Variants in CDH18 observed in about 807,000 individuals in gnomAD.
The protein encoded by CDH18 is cadherin-18.
CDH18 carries 31 observed loss-of-function variants against 67.9 expected under a neutral mutation model. That is an observed-to-expected ratio of 0.46 (90% confidence interval 0.34 to 0.62). The LOEUF is 0.62. Among genes scored for constraint, CDH18 ranks in the 20% least tolerant of loss-of-function variants. The probability of loss-of-function intolerance (pLI) is 0.01; values close to 1 mark genes in which losing one functional copy is unlikely to be tolerated. For synonymous variants in CDH18, 362 were observed against 347.2 expected (o/e 1.04, Z -0.48); for missense variants, 890 against 975.5 (o/e 0.91, Z 1.17).
chr5:19,645,948 CTGT>C (rs1580678267), intron 5 of CDH18, among the ~76,000 whole-genome samples: 1 of 152,068 alleles, frequency 6.6e-6, no homozygotes, highest in African/African-American at 2.4e-5. Context: ...AAAGATCCTT[CTGT>C]TGTTGTTTTG....
chr5:20,422,385 A>T (rs1437417198), intron 1 of CDH18, among the ~76,000 whole-genome samples: 1 of 151,008 alleles, frequency 6.6e-6, no homozygotes, highest in Non-Finnish European at 1.5e-5. Context: ...ATGTTTTTAA[A>T]CATGATTTTA....
chr5:20,312,807 A>AC (rs1737112280), intron 1 of CDH18, among the ~76,000 whole-genome samples: 2 of 152,056 alleles, frequency 1.3e-5, no homozygotes, highest in Non-Finnish European at 1.5e-5. Flanking sequence ...TCTTTTTATT[A>AC]CCCAAATCTG....
At chr5:19,688,458 G>T (rs921357006) in intron 5 of CDH18, among the ~76,000 whole-genome samples, 1 of 152,150 alleles carries the variant, frequency 6.6e-6, no homozygotes, top group Non-Finnish European at 1.5e-5. Context: ...GAAGGCATAT[G>T]AAGACTATAC....
intron 2 of CDH18, among the ~76,000 whole-genome samples, chr5:20,003,770 C>A (rs746062731): frequency 6.6e-6 from 1 of 151,914 alleles, no homozygotes. Context: ...TGGTGGCGGG[C>A]GCCTGTAGTC....
intron 2 of CDH18, among the ~76,000 whole-genome samples, chr5:19,868,197 T>C (rs1013676249): frequency 3.3e-5 from 5 of 152,216 alleles, no homozygotes; most frequent in Non-Finnish European, 7.3e-5. Context: ...AATATTAGTA[T>C]GTGTTAGAGG....
rs115174793 is a variant in CDH18 at position 19,782,515 on chromosome 5, T to C, written c.229-35279A>G. ...TGTAGTGTGGCTTGGTGGATTGTGA[T>C]GTGGAGAAAAGCAAATTCAAATGTA... On this transcript the variant is annotated intron_variant, in intron 3 of 12. Transcript: ENST00000382275. Among the ~76,000 whole-genome samples, 1,447 of 152,106 alleles carry C rather than the reference T, an allele frequency of 9.5e-3. 6 individuals are homozygous for C. The highest frequency in any genetic ancestry group is 0.016 in the African/African-American group (658 of 41,516).
At chr5:20,502,577 A>G (rs1754402797) in intron 1 of CDH18, among the ~76,000 whole-genome samples, 1 of 152,190 alleles carries the variant, frequency 6.6e-6, no homozygotes, top group Non-Finnish European at 1.5e-5. Flanking sequence ...TTTATTTTTA[A>G]AAAGTGTAGA....
At chr5:20,047,663 T>C (rs915292488) in intron 2 of CDH18, among the ~76,000 whole-genome samples, 7 of 151,850 alleles carry the variant, frequency 4.6e-5, no homozygotes, top group Non-Finnish European at 8.9e-5. Flanking sequence ...ATTTTGAATC[T>C]GCTATTCATT....
chr5:19,660,153 A>C (rs761039894), intron 5 of CDH18, among the ~76,000 whole-genome samples: 1 of 152,132 alleles, frequency 6.6e-6, no homozygotes, highest in Non-Finnish European at 1.5e-5. Context: ...TCGTTTTAAA[A>C]TGCAACTAAA....
chr5:20,162,195 C>T (rs1224268797), intron 2 of CDH18, among the ~76,000 whole-genome samples: 1 of 151,842 alleles, frequency 6.6e-6, no homozygotes, highest in African/African-American at 2.4e-5. Flanking sequence ...AATCTAGTTC[C>T]AATGAAATGT....
At chr5:19,509,295 C>T (rs1744741385) in intron 10 of CDH18, among the ~76,000 whole-genome samples, 5 of 151,990 alleles carry the variant, frequency 3.3e-5, no homozygotes, top group Admixed American at 3.3e-4. Context: ...TCCAAAAGGG[C>T]AGAGAGTGGG....
chr5:19,848,574 A>G (rs906032623), intron 2 of CDH18, among the ~76,000 whole-genome samples: 2 of 152,074 alleles, frequency 1.3e-5, no homozygotes, highest in Admixed American at 6.6e-5. Flanking sequence ...ACTCAGGATA[A>G]TGGATTTCAT....
intron 3 of CDH18, among the ~76,000 whole-genome samples, chr5:19,821,270 G>T (rs1318949178): frequency 6.6e-6 from 1 of 152,072 alleles, no homozygotes; most frequent in Non-Finnish European, 1.5e-5. Flanking sequence ...TGAACTTCTG[G>T]CATTGAAAAA....
intron 1 of CDH18, among the ~76,000 whole-genome samples, chr5:20,350,136 G>A (rs1741044400): frequency 6.6e-6 from 1 of 152,026 alleles, no homozygotes; most frequent in Non-Finnish European, 1.5e-5. Flanking sequence ...CTTGCTTACT[G>A]ATTTATTCTA....
chr5:19,807,490 G>A (rs1778155683), intron 3 of CDH18, among the ~76,000 whole-genome samples: 1 of 151,826 alleles, frequency 6.6e-6, no homozygotes, highest in Non-Finnish European at 1.5e-5. Context: ...CAAATATTAA[G>A]TCCCCAATTA....
intron 1 of CDH18, among the ~76,000 whole-genome samples, chr5:20,264,407 T>C (rs1055642542): frequency 1.3e-5 from 2 of 152,132 alleles, no homozygotes; most frequent in Non-Finnish European, 2.9e-5. Context: ...TTGTGAATGA[T>C]AGCCCAAAGT....
At chr5:19,669,622 G>A (rs1170147782) in intron 5 of CDH18, among the ~76,000 whole-genome samples, 1 of 152,078 alleles carries the variant, frequency 6.6e-6, no homozygotes, top group Non-Finnish European at 1.5e-5. Context: ...CTTTGCCTGA[G>A]AAAGAAGAGA....
chr5:19,835,711 C>G (rs914809151), intron 3 of CDH18, among the ~76,000 whole-genome samples: 1 of 151,864 alleles, frequency 6.6e-6, no homozygotes, highest in African/African-American at 2.4e-5. Flanking sequence ...AAAATCTGTA[C>G]AATTAAGTTA....
intron 5 of CDH18, among the ~76,000 whole-genome samples, chr5:19,667,481 A>G (rs544806772): frequency 3.3e-4 from 43 of 128,960 alleles, no homozygotes; most frequent in Middle Eastern, 4.2e-3. Flanking sequence ...ATCACAATGA[A>G]TATATATGTT....
Sources: gnomAD v4.1 joint callset for allele counts (sites outside exome capture counted in the v4.1 genomes callset) on GRCh38, gnomAD v4.1.1 for gene constraint, MANE v1.5 for transcripts, NCBI Gene and HGNC (gene_info 2026-07-23, HGNC 2026-07-21) for gene names.